The following PEG3 variants were observed in gnomAD, a reference collection of about 807,000 sequenced individuals.
PEG3 encodes paternally-expressed gene 3 protein.
PEG3 carries 23 observed loss-of-function variants against 35.5 expected under a neutral mutation model. The observed-to-expected ratio is 0.65, with a 90% CI of 0.47 to 0.92. The LOEUF is 0.92. PEG3 is among the 40% of genes least tolerant of loss of function. PEG3 has a pLI of 0.00. For missense variants in PEG3, 1,960 were observed against 1,985.3 expected (o/e 0.99, Z 0.24); for synonymous variants, 707 against 697.0 (o/e 1.01, Z -0.23).
chr19:56,838,311 C>A (rs1410979871), intron 1 of PEG3, among the ~76,000 whole-genome samples: 2 of 152,176 alleles, frequency 1.3e-5, no homozygotes, highest in African/African-American at 4.8e-5. Flanking sequence ...CCCCTGGGGC[C>A]GACCCAGGTG....
In PEG3 at chr19:56,815,355, C is replaced by T. The variant is rs201092442; in HGVS notation, c.3087G>A (p.Ala1029=). Residue 1029 remains alanine, a synonymous_variant, in exon 10 of 10, where the codon GCG becomes GCA. Transcript: ENST00000326441. ...YAQEQYAKEQ[A]RNKCKDFRQF... ...GTCTGAAGTCCTTACATTTGTTCCGCGCTTGCTCTTTAGCATACTGCTCTT... is the reference window on the plus strand; with the variant it reads ...GTCTGAAGTCCTTACATTTGTTCCGTGCTTGCTCTTTAGCATACTGCTCTT... The T allele has an allele frequency of 6.1e-5, 99 of 1,614,084 alleles. No individual in the cohort carries two copies. Among genetic ancestry groups the T allele is most frequent in the Non-Finnish European group, 7.4e-5 (87 of 1,180,040 alleles).
chr19:56,813,043 T>C lies in PEG3; in HGVS notation c.*632A>G, dbSNP rs2059646527. ...AAACAGTAAGGAGTAAAAGCCATGT[T>C]ATCTATCATGCCTACAGCTTCACAA... On this transcript the variant is annotated 3_prime_UTR_variant, in exon 10 of 10. Transcript: ENST00000326441. The C allele has an allele frequency of 1.0e-6, 1 of 985,318 alleles. No individual in the cohort carries two copies. Among genetic ancestry groups the C allele is most frequent in the Non-Finnish European group, 1.2e-6 (1 of 829,676 alleles). The allele number at this position is 985,318 out of a possible 1,614,324, so 61.0% of individuals were successfully genotyped here. A position where few individuals can be genotyped will look rare whatever the true frequency, so the allele number is the denominator to read the frequency against.
rs35851866 is a variant in PEG3, at chr19:56,815,602, T to C, written c.2840A>G (p.Asn947Ser). ...AKKKYIEHRS[N>S]ETSVIHSLPF... ...CAGAGAGTGAATTACAGAGGTCTCA[T>C]TGCTCCTATGCTCAATGTATTTCTT... Residue 947 changes from asparagine to serine, a missense_variant, in exon 10 of 10, where the codon AAT (asparagine) becomes AGT (serine). Asn to Ser is a conservative substitution (Grantham distance 46). Transcript: ENST00000326441. The C allele has an allele frequency of 0.029, 47,206 of 1,614,112 alleles. 801 individuals are homozygous for C. Among genetic ancestry groups the C allele is most frequent in the Non-Finnish European group, 0.034 (40,259 of 1,179,952 alleles).
chr19:56,816,629 C>T lies in PEG3; in HGVS notation c.1813G>A (p.Gly605Arg), dbSNP rs55885735. The T allele has an allele frequency of 8.6e-4, 1,394 of 1,613,660 alleles. 12 individuals carry two copies. Among genetic ancestry groups the T allele is most frequent in the Middle Eastern group, 1.5e-3 (9 of 6,060 alleles). The change falls in exon 10 of 10, where the codon GGG becomes AGG. Residue 605 changes from glycine to arginine, a missense_variant. Gly to Arg is a moderately radical substitution (Grantham distance 125, BLOSUM62 -2). Around this residue, in one of 5 missense-constraint regions of PEG3, gnomAD observed 798 missense variants for 782.4 expected, o/e 1.02. Coordinates refer to ENST00000326441, the MANE Select transcript of PEG3 (RefSeq NM_006210.3). Reference protein sequence around the residue: ...EHERERERERGETFRPSPALN... With the variant: ...EHERERERERRETFRPSPALN... ...GCTGGGCTGGGCCTAAAGGTTTCCC[C>T]GCGCTCACGTTCACGTTCACGTTCA...
rs1313211573 is a variant in PEG3 at position 56,814,155 on chromosome 19, A to G, written c.4287T>C (p.Ala1429=). 3 of 1,614,054 alleles carry G rather than the reference A, an allele frequency of 1.9e-6. No homozygotes were observed. The highest frequency in any genetic ancestry group is 1.7e-6 in the Non-Finnish European group (2 of 1,180,004). ...NGEAEGPDGE[A]AEPIGEAGQP... ...GTCCAGCCTCTCCAATGGGCTCTGCAGCCTCTCCATCTGGCCCTTCAGCCT... is the reference window on the plus strand; with the variant it reads ...GTCCAGCCTCTCCAATGGGCTCTGCGGCCTCTCCATCTGGCCCTTCAGCCT... The change falls in exon 10 of 10, where the codon GCT becomes GCC. Residue 1429 remains alanine (A), a synonymous_variant. Coordinates refer to ENST00000326441, the MANE Select transcript of PEG3 (RefSeq NM_006210.3). The surrounding 1 kb of genome is among the most constrained non-coding windows in gnomAD (Gnocchi z 5.8).
chr19:56,836,730 A>G (rs1029562169), intron 1 of PEG3, among the ~76,000 whole-genome samples: 3 of 152,312 alleles, frequency 2.0e-5, no homozygotes, highest in African/African-American at 7.2e-5. Flanking sequence ...GCACTTTGGG[A>G]GGCCAAGGCG....
rs2146641271 is a variant in PEG3, at chr19:56,836,113, G to A, written c.-249-9C>T. 1 of 468,678 alleles carries A rather than the reference G, an allele frequency of 2.1e-6. No individual in the cohort carries two copies. The highest frequency in any genetic ancestry group is 4.3e-6 in the Non-Finnish European group (1 of 233,240). The allele number at this position is 468,678 out of a possible 1,614,324, so 29.0% of individuals were successfully genotyped here. On this transcript the variant is annotated splice_polypyrimidine_tract_variant and intron_variant, in intron 1 of 9. Coordinates refer to ENST00000326441, the MANE Select transcript of PEG3 (RefSeq NM_006210.3). ...AGATCAAGAAGGCAAAGCTGTAGAG[G>A]AAAAGAAAATGTGAGACGCCAAGTT... is the stretch of plus-strand genomic sequence containing the variant.
chr19:56,822,966 A>C (rs2060643660), intron 5 of PEG3, 130 bp from the exon 6 acceptor site: 3 of 1,238,836 alleles, frequency 2.4e-6, no homozygotes, highest in Non-Finnish European at 3.4e-6. Flanking sequence ...CAAAACAGAG[A>C]GCTCCAGGTT....
chr19:56,817,127 A>G lies in PEG3; in HGVS notation c.1315T>C (p.Phe439Leu). ...SSLSSLSSPS[F>L]TESQPIDFGA... ...AAATCAATTGGCTGTGACTCGGTAA[A>G]GGAGGGGGAGCTGAGGCTGCTCAGG... The change falls in exon 10 of 10, where the codon TTT (phenylalanine) becomes CTT (leucine). Residue 439 changes from phenylalanine (F) to leucine (L), a missense_variant. Phe to Leu is a conservative substitution (Grantham distance 22). Transcript: ENST00000326441. 6.2e-7 allele frequency: 1 copy of G among 1,614,172 alleles called. No homozygotes were observed. Among genetic ancestry groups the G allele is most frequent in the African/African-American group, 1.3e-5 (1 of 75,046 alleles).
intron 2 of PEG3, chr19:56,833,600 G>A (rs894575722): frequency 1.1e-5 from 2 of 183,464 alleles, no homozygotes; most frequent in African/African-American, 2.4e-5. Flanking sequence ...AAACTCAGAT[G>A]TGCAGAAGAG....
In PEG3 at chr19:56,813,759, C is replaced by A. The variant is rs184629533; in HGVS notation, c.4683G>T (p.Glu1561Asp). 1.2e-6 allele frequency: 2 copies of A among 1,614,136 alleles called. No homozygotes were observed. Among genetic ancestry groups the A allele is most frequent in the Admixed American group, 3.3e-5 (2 of 60,016 alleles). The change falls in exon 10 of 10, where the codon GAG becomes GAT. Residue 1561 changes from glutamate to aspartate, a missense_variant. Glu to Asp is a conservative substitution (Grantham distance 45). Around this residue, in one of 5 missense-constraint regions of PEG3, gnomAD observed 416 missense variants for 416.7 expected, o/e 1.00. Transcript: ENST00000326441. ...CACAGACGTCACATTTGAAGTACTT[C>A]TCATCAGCTTGATTGGCACCACCTG... ...TSTGGANQAD[E>D]KYFKCDVCGQ...
Position 56,814,859 on chromosome 19 carries a change from C to T in PEG3, c.3583G>A (p.Gly1195Arg), listed in dbSNP as rs1411928429. 6.2e-7 allele frequency: 1 copy of T among 1,614,172 alleles called. No individual in the cohort carries two copies. The highest frequency in any genetic ancestry group is 2.2e-5 in the East Asian group (1 of 44,882). The change falls in exon 10 of 10, where the codon GGG becomes AGG. Residue 1195 changes from glycine (G) to arginine (R), a missense_variant. Gly to Arg is a moderately radical substitution (Grantham distance 125). Transcript: ENST00000326441. The surrounding 1 kb of genome is among the most constrained non-coding windows in gnomAD (Gnocchi z 5.8). Reference sequence around the variant, plus strand: ...AGGGCAATAAAACCATCATCACACCCCTTCATGGAATACAACTGGTCTTGT... The same window carrying T: ...AGGGCAATAAAACCATCATCACACCTCTTCATGGAATACAACTGGTCTTGT... ...HEQDQLYSMK[G>R]CDDGFIALLP...
intron 6 of PEG3, 149 bp downstream of exon 6, chr19:56,822,604 A>C: frequency 9.2e-7 from 1 of 1,087,084 alleles, no homozygotes; most frequent in Non-Finnish European, 1.3e-6. Flanking sequence ...GAACTTCAAA[A>C]ATACGAGCCT....
intron 2 of PEG3, among the ~76,000 whole-genome samples, chr19:56,832,404 T>C (rs2061662862): frequency 6.6e-6 from 1 of 151,996 alleles, no homozygotes; most frequent in Non-Finnish European, 1.5e-5. Flanking sequence ...CGCATCAAGC[T>C]CCACACCCAA....
In PEG3 at chr19:56,816,789, A is replaced by G. The variant is rs2146203349; in HGVS notation, c.1653T>C (p.Ser551=). ...EEAFMPSPTF[S]ELQKIYGKDK... is the part of the protein sequence containing the mutation. Reference sequence around the variant, plus strand: ...CTTTGCCATATATTTTCTGAAGCTCACTAAAGGTGGGGCTAGGCATGAAGG... The same window carrying G: ...CTTTGCCATATATTTTCTGAAGCTCGCTAAAGGTGGGGCTAGGCATGAAGG... The change falls in exon 10 of 10, where the codon AGT becomes AGC. Residue 551 remains serine (S), a synonymous_variant. Transcript: ENST00000326441. The G allele has an allele frequency of 6.2e-7, 1 of 1,614,128 alleles. No individual in the cohort carries two copies. The highest frequency in any genetic ancestry group is 1.1e-5 in the South Asian group (1 of 91,080).
intron 5 of PEG3, 89 bp downstream of exon 5, chr19:56,823,504 T>C: frequency 6.6e-7 from 1 of 1,525,278 alleles, no homozygotes; most frequent in South Asian, 1.1e-5. Flanking sequence ...CGGGTCATCT[T>C]CATGGAGGCC....
rs2059973140 is a variant in PEG3 at position 56,816,308 on chromosome 19, G to A, written c.2134C>T (p.Leu712Phe). Residue 712 changes from leucine to phenylalanine, a missense_variant, in exon 10 of 10, where the codon CTC becomes TTC. Physicochemically the swap from Leu to Phe is conservative, Grantham distance 22. This residue lies in a region of PEG3 where 798 missense variants were observed against 782.4 expected (regional missense o/e 1.02). Transcript: ENST00000326441. ...EHQKIHSRKN[L>F]FEGRGYEKSV... ...TTCTCATACCCTCTGCCTTCAAAGAGGTTCTTTCGAGAATGAATTTTCTGA... is the reference window on the plus strand; with the variant it reads ...TTCTCATACCCTCTGCCTTCAAAGAAGTTCTTTCGAGAATGAATTTTCTGA... The A allele has an allele frequency of 2.5e-6, 4 of 1,614,102 alleles. No homozygotes were observed. The East Asian group carries it at 8.9e-5, about 36-fold the overall frequency.
Position 56,811,308 on chromosome 19 carries a change from A to T in PEG3, c.*2367T>A. On this transcript the variant is annotated 3_prime_UTR_variant, in exon 10 of 10. Transcript: ENST00000326441. ...AGCATATATATTTTTAAACAGTTAT[A>T]ATGAACTGTTTAAATGAACTGTTAA... 1.1e-6 allele frequency: 1 copy of T among 905,074 alleles called. No homozygotes were observed. The highest frequency in any genetic ancestry group is 1.3e-6 in the Non-Finnish European group (1 of 756,902). The allele number at this position is 905,074 out of a possible 1,614,324, so 56.1% of individuals were successfully genotyped here.
intron 1 of PEG3, among the ~76,000 whole-genome samples, chr19:56,838,403 G>A (rs1026627318): frequency 1.3e-5 from 2 of 152,196 alleles, no homozygotes; most frequent in African/African-American, 4.8e-5. Context: ...GCGGTGAGGG[G>A]CAGTGGAGGT....
Sources: allele counts gnomAD v4.1 joint callset (sites outside exome capture counted in the v4.1 genomes callset), GRCh38; gene constraint gnomAD v4.1.1; regional missense constraint gnomAD v4.1.1; non-coding constraint Gnocchi (gnomAD v3.1); transcripts MANE v1.5; gene names NCBI Gene and HGNC (gene_info 2026-07-23, HGNC 2026-07-21).